Variants in CEP85L observed in about 807,000 individuals in gnomAD.
CEP85L encodes the protein centrosomal protein 85L.
In CEP85L, 60 loss-of-function variants were observed where a neutral mutation model predicts 100.3. The observed-to-expected ratio is 0.60, with a 90% CI of 0.49 to 0.74. The LOEUF (loss-of-function observed/expected upper bound fraction) is 0.74. Ranked by LOEUF, CEP85L falls within the 30% of genes least tolerant of loss-of-function variation. The pLI, the probability that CEP85L is intolerant of heterozygous loss-of-function variation, is 0.00. For synonymous variants in CEP85L, 319 were observed against 322.7 expected, an observed-to-expected ratio of 0.99 and a Z score of 0.12; for missense variants, 973 against 936.2, an observed-to-expected ratio of 1.04 and a Z score of -0.51.
At chr6:118,670,363 C>T (rs1313644333) in intron 1 of CEP85L, among the ~76,000 whole-genome samples, 8 of 151,682 alleles carry the variant, frequency 5.3e-5, no homozygotes, top group Non-Finnish European at 7.4e-5. Context: ...GATAGTTTTT[C>T]GATCCTCACC....
At chr6:118,596,785 G>A (rs184798563) in intron 2 of CEP85L, among the ~76,000 whole-genome samples, 328 of 152,242 alleles carry the variant, frequency 2.2e-3, no homozygotes, top group African/African-American at 7.6e-3. Context: ...TCGATTTCCT[G>A]TTATTTATTG....
At chr6:118,539,483 T>C (rs1489903764) in intron 3 of CEP85L, among the ~76,000 whole-genome samples, 1 of 152,248 alleles carries the variant, frequency 6.6e-6, no homozygotes, top group Non-Finnish European at 1.5e-5. Context: ...AATGTATTCC[T>C]GTCATTAAGT....
chr6:118,652,778 T>C (rs1562342172), upstream of CEP85L: 1 of 1,518,926 alleles, frequency 6.6e-7, no homozygotes. Flanking sequence ...TTTCTCCAAA[T>C]CATGTAATGT....
intron 5 of CEP85L, among the ~76,000 whole-genome samples, chr6:118,496,943 C>T (rs1314364571): frequency 6.6e-6 from 1 of 152,208 alleles, no homozygotes; most frequent in Non-Finnish European, 1.5e-5. Context: ...GGATTTCTGA[C>T]ATGTTTCAAA....
At chr6:118,656,114 T>C (rs1350090888), upstream of CEP85L, among the ~76,000 whole-genome samples, 1 of 152,240 alleles carries the variant, frequency 6.6e-6, no homozygotes, top group African/African-American at 2.4e-5. Flanking sequence ...CATGTGACAT[T>C]AATCTGCGGT....
At position 118,462,284 on chromosome 6, in the gene CEP85L, A is replaced by T. The variant is rs1055773777; in HGVS notation, c.*3121T>A. The T allele has an allele frequency of 5.3e-5, 8 of 152,060 alleles. No homozygotes were observed. The highest frequency in any genetic ancestry group is 1.9e-4 in the African/African-American group (8 of 41,460). The allele number at this position is 152,060 out of a possible 1,614,324, so 9.4% of individuals were successfully genotyped here. A position where few individuals can be genotyped will look rare whatever the true frequency, so the allele number is the denominator to read the frequency against. On this transcript the variant is annotated 3_prime_UTR_variant, in exon 13 of 13. Transcript: ENST00000368491. ...TTTAAAATGACCTCAGGAATATCTT[A>T]CCTAGCCAGTATTTGTGGTTTTTTG...
chr6:118,671,391 A>G (rs1776300416), intron 1 of CEP85L, among the ~76,000 whole-genome samples: 2 of 152,168 alleles, frequency 1.3e-5, no homozygotes, highest in Non-Finnish European at 2.9e-5. Context: ...TATCATATAC[A>G]TTTATGTCAG....
chr6:118,541,077 T>C (rs1475719002), intron 3 of CEP85L, among the ~76,000 whole-genome samples: 2 of 152,352 alleles, frequency 1.3e-5, no homozygotes, highest in East Asian at 1.9e-4. Flanking sequence ...GTATTAATAC[T>C]GGAGTCAACA....
rs148598556 is a variant in CEP85L, at chr6:118,676,565, C to A, written c.-27-23757G>T. ...TATGGTATTCCATCATGCTTATATA[C>A]CACATTTTCATTATTCATTCACCCA... On this transcript the variant is annotated intron_variant, in intron 1 of 13. Coordinates refer to the CEP85L transcript ENST00000368488. Among the ~76,000 whole-genome samples the A allele has an allele frequency of 3.3e-5, 5 of 152,318 alleles. 1 individual carries two copies. The highest frequency in any genetic ancestry group is 1.2e-4 in the African/African-American group (5 of 41,580).
chr6:118,634,923 C>T (rs571996225), intron 1 of CEP85L, among the ~76,000 whole-genome samples: 31 of 152,002 alleles, frequency 2.0e-4, no homozygotes, highest in Non-Finnish European at 3.5e-4. Flanking sequence ...AGAAACGATG[C>T]CAAATCTCAC....
intron 3 of CEP85L, among the ~76,000 whole-genome samples, chr6:118,546,600 T>A (rs1778216976): frequency 6.6e-6 from 1 of 152,188 alleles, no homozygotes; most frequent in South Asian, 2.1e-4. Flanking sequence ...AAAGCTATAT[T>A]CAAATTATAA....
At chr6:118,542,544 C>T (rs1777952341) in intron 3 of CEP85L, among the ~76,000 whole-genome samples, 1 of 152,078 alleles carries the variant, frequency 6.6e-6, no homozygotes, top group African/African-American at 2.4e-5. Flanking sequence ...GAAATTAATT[C>T]GATCTGCCTT....
In CEP85L at chr6:118,537,592, A is replaced by C. The variant is rs1341746137; in HGVS notation, c.1021-13672T>G. On this transcript the variant is annotated intron_variant, in intron 3 of 12. Coordinates refer to ENST00000368491, the MANE Select transcript of CEP85L (RefSeq NM_001042475.3). The stretch of plus-strand genomic sequence containing the variant: ...GATAGCAGGCATCTACAACAATCCC[A>C]AACACATGCTACTTAGATGAGATCC... 3 of 985,198 alleles carry C rather than the reference A, an allele frequency of 3.0e-6. No homozygotes were observed. In the African/African-American group the frequency reaches 5.2e-5, roughly 17 times the overall value. 61.0% of individuals were successfully genotyped at this position (985,198 alleles called of 1,614,324 possible).
At chr6:118,686,626 A>T (rs1776842421) in intron 1 of CEP85L, among the ~76,000 whole-genome samples, 1 of 152,144 alleles carries the variant, frequency 6.6e-6, no homozygotes. Flanking sequence ...GCTGATGGTC[A>T]TTTGAGTTAT....
intron 1 of CEP85L, among the ~76,000 whole-genome samples, chr6:118,671,390 C>T (rs1333307062): frequency 6.6e-6 from 1 of 152,090 alleles, no homozygotes. Context: ...TTATCATATA[C>T]ATTTATGTCA....
At chr6:118,540,549 G>C (rs1046868770) in intron 3 of CEP85L, among the ~76,000 whole-genome samples, 16 of 152,050 alleles carry the variant, frequency 1.1e-4, no homozygotes, top group African/African-American at 3.9e-4. Flanking sequence ...GAGGTCAAGA[G>C]ATGTAGACCA....
intron 2 of CEP85L, among the ~76,000 whole-genome samples, chr6:118,593,490 C>A (rs1205579239): frequency 6.6e-6 from 1 of 151,802 alleles, no homozygotes; most frequent in Non-Finnish European, 1.5e-5. Context: ...GAGAGAGGTG[C>A]TACACACTTT....
chr6:118,601,641 T>C (rs1486224374), intron 2 of CEP85L, among the ~76,000 whole-genome samples: 1 of 152,180 alleles, frequency 6.6e-6, no homozygotes, highest in Non-Finnish European at 1.5e-5. Context: ...CCACAGACAG[T>C]GTAGTCCTAT....
At chr6:118,477,853 A>G (rs1023174592) in intron 10 of CEP85L, among the ~76,000 whole-genome samples, 4 of 152,166 alleles carry the variant, frequency 2.6e-5, no homozygotes, top group Admixed American at 6.5e-5. Flanking sequence ...TGCATAATTT[A>G]TATTAAAAAT....
Sources: allele counts gnomAD v4.1 joint callset (sites outside exome capture counted in the v4.1 genomes callset), GRCh38; gene constraint gnomAD v4.1.1; transcripts MANE v1.5; gene names NCBI Gene and HGNC (gene_info 2026-07-23, HGNC 2026-07-21).